The following NPSR1 variants were observed in gnomAD, a reference collection of about 807,000 sequenced individuals.
The protein encoded by NPSR1 is neuropeptide S receptor 1.
A neutral mutation model predicts 46.9 loss-of-function variants in NPSR1; 48 were observed. That is an observed-to-expected ratio of 1.02 (90% CI 0.81 to 1.30). NPSR1 has a LOEUF of 1.30. Ranked by LOEUF, NPSR1 falls within the 50% of genes most tolerant of loss-of-function variation. The pLI is 0.00. For synonymous variants in NPSR1, 176 were observed against 168.1 expected (o/e 1.05, Z -0.36); for missense variants, 450 against 449.5 (o/e 1.00, Z -0.01).
At chr7:34,764,901 C>A (rs888701803) in intron 2 of NPSR1, among the ~76,000 whole-genome samples, 1 of 152,154 alleles carries the variant, frequency 6.6e-6, no homozygotes, top group Admixed American at 6.5e-5. Context: ...GGGTCTGTGG[C>A]TGAACTGGGA....
At chr7:34,876,054 G>A (rs535622414) in intron 8 of NPSR1, among the ~76,000 whole-genome samples, 1 of 152,338 alleles carries the variant, frequency 6.6e-6, no homozygotes, top group African/African-American at 2.4e-5. Context: ...CCAGGGACTG[G>A]TAGGGATGGT....
intron 2 of NPSR1, among the ~76,000 whole-genome samples, chr7:34,694,584 CATA>C (rs1392515481): frequency 6.6e-6 from 1 of 152,172 alleles, no homozygotes; most frequent in Non-Finnish European, 1.5e-5. Flanking sequence ...TTAAAATGAC[CATA>C]CTTCCCAAAG....
intron 8 of NPSR1, among the ~76,000 whole-genome samples, chr7:34,867,830 G>A (rs369663929): frequency 2.0e-5 from 3 of 151,952 alleles, no homozygotes; most frequent in Admixed American, 6.5e-5. Flanking sequence ...TTGGCACTCA[G>A]TTCCAAGCTC....
At chr7:34,865,897 T>A (rs1426673947) in intron 8 of NPSR1, among the ~76,000 whole-genome samples, 1 of 151,634 alleles carries the variant, frequency 6.6e-6, no homozygotes, top group Admixed American at 6.6e-5. Flanking sequence ...AACAATGAGG[T>A]CATTTCCTCA....
intron 3 of NPSR1, among the ~76,000 whole-genome samples, chr7:34,797,431 G>C (rs1320308163): frequency 6.6e-6 from 1 of 152,054 alleles, no homozygotes; most frequent in East Asian, 1.9e-4. Flanking sequence ...TGGGGGACAG[G>C]GGGTTTATGG....
chr7:34,831,849 A>G (rs923479718), intron 5 of NPSR1, among the ~76,000 whole-genome samples: 2 of 145,412 alleles, frequency 1.4e-5, no homozygotes, highest in African/African-American at 5.0e-5. Context: ...CGACAATTGC[A>G]AAAAAAAAAA....
chr7:34,787,313 A>G (rs55690466), intron 3 of NPSR1, among the ~76,000 whole-genome samples: 10,426 of 152,120 alleles, frequency 0.069, 1,034 homozygotes, highest in African/African-American at 0.22. Context: ...TTTCACATCT[A>G]TCTCAGCCTT....
intron 1 of NPSR1, 41 bp from the exon 2 acceptor site, chr7:34,684,511 C>A: frequency 6.3e-7 from 1 of 1,599,798 alleles, no homozygotes; most frequent in South Asian, 1.1e-5. Context: ...AACTCCAGTT[C>A]TCACTGGTAC....
At chr7:34,727,768 T>A (rs1373583215) in intron 2 of NPSR1, among the ~76,000 whole-genome samples, 2 of 152,194 alleles carry the variant, frequency 1.3e-5, no homozygotes, top group African/African-American at 4.8e-5. Flanking sequence ...CTGAGAGCAG[T>A]CTATTAAATA....
In NPSR1 at chr7:34,684,640, A is replaced by C; in HGVS notation, c.236A>C (p.Lys79Thr). Residue 79 changes from lysine to threonine, a missense_variant, in exon 2 of 9, where the codon AAG (lysine) becomes ACG (threonine). Lys to Thr is a moderately conservative substitution (Grantham distance 78). Coordinates refer to ENST00000360581, the MANE Select transcript of NPSR1 (RefSeq NM_207172.2). ...VVLFSTWRRK[K>T]KSRMTFFVTQ... ...CTTTTTTCCACATGGAGGAGAAAGA[A>C]GAAGTCAAGAATGACCTTCTTTGTG... 1 of 1,613,880 alleles carries C rather than the reference A, an allele frequency of 6.2e-7. No individual in the cohort carries two copies. The highest frequency in any genetic ancestry group is 8.5e-7 in the Non-Finnish European group (1 of 1,179,878).
At chr7:34,775,150 T>C (rs746324984) in intron 2 of NPSR1, among the ~76,000 whole-genome samples, 4 of 152,216 alleles carry the variant, frequency 2.6e-5, no homozygotes, top group Non-Finnish European at 5.9e-5. Context: ...ACATCTTTGA[T>C]GTAAATGGAT....
rs889431664 is a variant in NPSR1 at position 34,756,497 on chromosome 7, T to C, written c.281-21965T>C. 3.9e-5 allele frequency among the ~76,000 whole-genome samples: 6 copies of C among 152,328 alleles called. No homozygotes were observed. In the East Asian group the frequency reaches 9.7e-4, roughly 25 times the overall value. ...GTAAAGGCCCAGATATTAAATATTT[T>C]AGGCTTTGCAGGTCCTATGATCTCT... On this transcript the variant is annotated intron_variant, in intron 2 of 8. Coordinates refer to ENST00000360581, the MANE Select transcript of NPSR1 (RefSeq NM_207172.2).
intron 4 of NPSR1, among the ~76,000 whole-genome samples, chr7:34,820,377 G>C (rs10263447): frequency 0.14 from 21,830 of 152,108 alleles, 2,074 homozygotes; most frequent in East Asian, 0.32. Flanking sequence ...TGTCTGTTTT[G>C]TGAAGGGTTG....
chr7:34,659,859 C>A (rs1276786990), intron 1 of NPSR1, among the ~76,000 whole-genome samples: 1 of 152,120 alleles, frequency 6.6e-6, no homozygotes, highest in African/African-American at 2.4e-5. Context: ...ACCCAGGAAG[C>A]ACAGGACTCC....
chr7:34,702,581 T>C (rs1414396562), intron 2 of NPSR1, among the ~76,000 whole-genome samples: 1 of 152,196 alleles, frequency 6.6e-6, no homozygotes, highest in Non-Finnish European at 1.5e-5. Flanking sequence ...TAATGACTTA[T>C]TATCTTGGCA....
chr7:34,825,484 TG>T (rs1789780670), intron 4 of NPSR1, among the ~76,000 whole-genome samples: 1 of 152,212 alleles, frequency 6.6e-6, no homozygotes, highest in African/African-American at 2.4e-5. Context: ...GAAGAGAAGC[TG>T]GCTGGCGCTG....
chr7:34,759,928 A>G (rs905798473), intron 2 of NPSR1, among the ~76,000 whole-genome samples: 1 of 152,202 alleles, frequency 6.6e-6, no homozygotes, highest in Non-Finnish European at 1.5e-5. Context: ...GTTAATAAAT[A>G]GTGGCCCAAT....
chr7:34,742,013 T>C (rs562740000), intron 2 of NPSR1, among the ~76,000 whole-genome samples: 3 of 152,240 alleles, frequency 2.0e-5, no homozygotes, highest in African/African-American at 7.2e-5. Flanking sequence ...GCAAAATCAA[T>C]TGCACCTTTT....
chr7:34,785,839 A>G (rs138480414), intron 3 of NPSR1, among the ~76,000 whole-genome samples: 1 of 152,284 alleles, frequency 6.6e-6, no homozygotes, highest in African/African-American at 2.4e-5. Context: ...GTGTGATAAT[A>G]TGTCTAAAAA....
Sources: allele counts gnomAD v4.1 joint callset (sites outside exome capture counted in the v4.1 genomes callset), GRCh38; gene constraint gnomAD v4.1.1; transcripts MANE v1.5; gene names NCBI Gene and HGNC (gene_info 2026-07-23, HGNC 2026-07-21).